Variants in CASQ2 observed in about 807,000 individuals in gnomAD.
CASQ2 encodes calsequestrin 2.
A neutral mutation model predicts 46.5 loss-of-function variants in CASQ2; 49 were observed. The observed-to-expected ratio is 1.05, with a 90% CI of 0.84 to 1.34. The LOEUF is 1.34. Among genes scored for constraint, CASQ2 ranks in the 40% most tolerant of loss-of-function variants. The probability of loss-of-function intolerance (pLI) is 0.00; values close to 1 mark genes in which losing one functional copy is unlikely to be tolerated. For missense variants in CASQ2, 486 were observed against 481.3 expected, an observed-to-expected ratio of 1.01 and a Z score of -0.09; for synonymous variants, 174 against 168.5, an observed-to-expected ratio of 1.03 and a Z score of -0.25.
intron 1 of CASQ2, among the ~76,000 whole-genome samples, chr1:115,750,976 T>A (rs1648560620): frequency 6.7e-6 from 1 of 149,528 alleles, no homozygotes; most frequent in Non-Finnish European, 1.5e-5. Flanking sequence ...TCATGGATAC[T>A]ATGTCCCAGT....
At chr1:115,746,704 G>A (rs1189171303) in intron 1 of CASQ2, among the ~76,000 whole-genome samples, 3 of 152,094 alleles carry the variant, frequency 2.0e-5, no homozygotes, top group South Asian at 4.1e-4. Flanking sequence ...AATTTTGAGA[G>A]TTTTTTTAAA....
intron 7 of CASQ2, among the ~76,000 whole-genome samples, chr1:115,719,610 G>T (rs1478141490): frequency 6.6e-6 from 1 of 152,180 alleles, no homozygotes; most frequent in Non-Finnish European, 1.5e-5. Flanking sequence ...CAAAGATTCA[G>T]CATGCAGACC....
chr1:115,736,500 G>A (rs1344957058), intron 4 of CASQ2, among the ~76,000 whole-genome samples: 1 of 151,784 alleles, frequency 6.6e-6, no homozygotes, highest in African/African-American at 2.4e-5. Flanking sequence ...AGCCAGGCGT[G>A]GTGGCGGGCA....
intron 8 of CASQ2, among the ~76,000 whole-genome samples, chr1:115,707,486 C>G (rs934611923): frequency 4.6e-5 from 7 of 152,046 alleles, no homozygotes; most frequent in African/African-American, 1.7e-4. Flanking sequence ...TCTGTCATTG[C>G]AGGGCTGGGG....
chr1:115,723,274 C>CTATCT (rs57499430), intron 7 of CASQ2, among the ~76,000 whole-genome samples: 2 of 150,856 alleles, frequency 1.3e-5, no homozygotes, highest in South Asian at 2.1e-4. Flanking sequence ...ATCTATCTAT[C>CTATCT]ATCTATCTAT....
intron 8 of CASQ2, among the ~76,000 whole-genome samples, chr1:115,713,242 C>G (rs1308734144): frequency 6.6e-6 from 1 of 152,170 alleles, no homozygotes; most frequent in African/African-American, 2.4e-5. Context: ...GTGAGGAAGA[C>G]AGTCATTCAT....
chr1:115,763,020 G>T (rs1307028815), intron 1 of CASQ2, among the ~76,000 whole-genome samples: 2 of 152,176 alleles, frequency 1.3e-5, no homozygotes, highest in African/African-American at 4.8e-5. Flanking sequence ...TTTTTGAGTC[G>T]CAAGCAGTTT....
intron 9 of CASQ2, 65 bp from the exon 10 acceptor site, chr1:115,703,060 G>T: frequency 1.6e-6 from 2 of 1,281,706 alleles, no homozygotes; most frequent in Non-Finnish European, 2.2e-6. Flanking sequence ...GGACCCACCC[G>T]CCGTCCCATC....
chr1:115,740,855 G>T, intron 2 of CASQ2, 27 bp from the exon 3 acceptor site: 1 of 1,471,258 alleles, frequency 6.8e-7, no homozygotes, highest in Non-Finnish European at 9.5e-7. Context: ...GGCCCACAGA[G>T]AAGGTCATCC....
At chr1:115,707,673 A>G (rs1317206208) in intron 8 of CASQ2, among the ~76,000 whole-genome samples, 1 of 152,224 alleles carries the variant, frequency 6.6e-6, no homozygotes, top group African/African-American at 2.4e-5. Context: ...TAGAAATCAT[A>G]GTACAAAGAC....
At chr1:115,763,992 T>C (rs1649044067) in intron 1 of CASQ2, among the ~76,000 whole-genome samples, 1 of 152,068 alleles carries the variant, frequency 6.6e-6, no homozygotes, top group Non-Finnish European at 1.5e-5. Context: ...CTAAATTTAC[T>C]ATCTTGGTGG....
Position 115,738,305 on chromosome 1 carries a change from T to A in CASQ2, c.451A>T (p.Ser151Cys). Residue 151 changes from serine to cysteine, a missense_variant, in exon 4 of 11, where the codon AGC (serine) becomes TGC (cysteine). Coordinates refer to ENST00000261448, the MANE Select transcript of CASQ2 (RefSeq NM_001232.4). Reference protein sequence around the residue: ...LIEDPVEIISSKLEVQAFERI... With the variant: ...LIEDPVEIISCKLEVQAFERI... ...TCGAAGGCTTGGACTTCCAGTTTGC[T>A]GCTGATGATCTCCACTGGGTCTTCA... 6.2e-7 allele frequency: 1 copy of A among 1,613,416 alleles called. No individual in the cohort carries two copies. Among genetic ancestry groups the A allele is most frequent in the Non-Finnish European group, 8.5e-7 (1 of 1,179,298 alleles).
intron 7 of CASQ2, among the ~76,000 whole-genome samples, chr1:115,723,455 G>A (rs545994409): frequency 1.3e-5 from 2 of 151,700 alleles, no homozygotes; most frequent in African/African-American, 4.8e-5. Flanking sequence ...ATTATTTTAG[G>A]GTAAAAAGCA....
chr1:115,757,939 C>T (rs772321944), intron 1 of CASQ2, among the ~76,000 whole-genome samples: 2 of 152,222 alleles, frequency 1.3e-5, no homozygotes, highest in Non-Finnish European at 2.9e-5. Context: ...ATCCAGCAAA[C>T]ATTTATTAAA....
At chr1:115,719,224 A>G (rs1647287275) in intron 7 of CASQ2, among the ~76,000 whole-genome samples, 1 of 152,170 alleles carries the variant, frequency 6.6e-6, no homozygotes, top group African/African-American at 2.4e-5. Context: ...GGAGAATTTA[A>G]TTTTACAGAT....
chr1:115,716,189 ACTCTCTGTC>A (rs1472662311), intron 8 of CASQ2, among the ~76,000 whole-genome samples: 1 of 152,014 alleles, frequency 6.6e-6, no homozygotes, highest in Non-Finnish European at 1.5e-5. Flanking sequence ...TCTCTTGGGG[ACTCTCTGTC>A]TCACAGAGCA....
chr1:115,753,534 T>C (rs1281726189), intron 1 of CASQ2, among the ~76,000 whole-genome samples: 2 of 152,030 alleles, frequency 1.3e-5, no homozygotes, highest in Non-Finnish European at 2.9e-5. Flanking sequence ...GCTGGGTGGG[T>C]GGCAAAGACA....
intron 5 of CASQ2, among the ~76,000 whole-genome samples, chr1:115,729,489 G>A (rs769039314): frequency 2.0e-5 from 3 of 152,186 alleles, no homozygotes; most frequent in Non-Finnish European, 4.4e-5. Context: ...TCCAGGAGGA[G>A]ATCTGGTTCA....
At chr1:115,720,581 T>C (rs1422620141) in intron 7 of CASQ2, among the ~76,000 whole-genome samples, 1 of 152,188 alleles carries the variant, frequency 6.6e-6, no homozygotes, top group African/African-American at 2.4e-5. Context: ...TGTTGTAAAC[T>C]TGGATCAATG....
Sources: gnomAD v4.1 joint callset for allele counts (sites outside exome capture counted in the v4.1 genomes callset) on GRCh38, gnomAD v4.1.1 for gene constraint, MANE v1.5 for transcripts, NCBI Gene and HGNC (gene_info 2026-07-23, HGNC 2026-07-21) for gene names.